IL17RD: variants seen among roughly 807,000 people sequenced by gnomAD.
IL17RD encodes the protein interleukin-17 receptor D.
IL17RD carries 52 observed loss-of-function variants against 80.5 expected under a neutral mutation model. The ratio of observed to expected loss-of-function variants is 0.65; its 90% CI spans 0.52 to 0.81. IL17RD has a LOEUF of 0.81. Among genes scored for constraint, IL17RD ranks in the 40% least tolerant of loss-of-function variants. The pLI is 0.00. For missense variants in IL17RD, 1,024 were observed against 955.1 expected (o/e 1.07, Z -0.95); for synonymous variants, 416 against 391.8 (o/e 1.06, Z -0.73).
At chr3:57,110,067 TG>T in intron 4 of IL17RD, 125 bp downstream of exon 4, 1 of 1,051,264 alleles carries the variant, frequency 9.5e-7, no homozygotes, top group East Asian at 2.6e-5. Flanking sequence ...GTACCATTCT[TG>T]CCCACCTTGG....
chr3:57,111,349 T>C (rs1015950495), intron 3 of IL17RD, among the ~76,000 whole-genome samples: 5 of 152,192 alleles, frequency 3.3e-5, no homozygotes, highest in African/African-American at 1.2e-4. Context: ...GGAGCAACAA[T>C]TACAGCTTCA....
intron 1 of IL17RD, among the ~76,000 whole-genome samples, chr3:57,133,720 T>TA (rs1707661464): frequency 1.3e-5 from 2 of 152,172 alleles, no homozygotes; most frequent in South Asian, 4.1e-4. Context: ...AGGTCAATTA[T>TA]AAAGCAAATC....
intron 10 of IL17RD, 134 bp from the exon 11 acceptor site, chr3:57,101,497 C>G (rs2107469088): frequency 1.8e-6 from 1 of 569,740 alleles, no homozygotes; most frequent in Non-Finnish European, 3.1e-6. Flanking sequence ...ACTCCATCAG[C>G]CCCCTCTGAT....
Position 57,096,379 on chromosome 3 carries a change from A to G in IL17RD, c.*14T>C, listed in dbSNP as rs765465147. 2.5e-6 allele frequency: 4 copies of G among 1,577,342 alleles called. No homozygotes were observed. The highest frequency in any genetic ancestry group is 1.7e-4 in the Middle Eastern group (1 of 6,018). On this transcript the variant is annotated 3_prime_UTR_variant, in exon 13 of 13. Transcript: ENST00000296318. ...CAGCAGCTAAAGTGGCAATGCTTAG[A>G]CTCTTTCGTTTTGTTACAAAGGGGC...
intron 2 of IL17RD, among the ~76,000 whole-genome samples, chr3:57,117,972 G>T (rs904404428): frequency 5.9e-5 from 9 of 152,014 alleles, no homozygotes; most frequent in Non-Finnish European, 2.9e-5. Context: ...CCAAATATTT[G>T]GTATTATTAA....
intron 1 of IL17RD, among the ~76,000 whole-genome samples, chr3:57,154,091 A>AT (rs578172012): frequency 9.4e-4 from 143 of 151,866 alleles, no homozygotes; most frequent in African/African-American, 3.4e-3. Context: ...ACAAAAAAAA[A>AT]GTAAAAAAAT....
At chr3:57,127,336 A>AT (rs1491422869) in intron 1 of IL17RD, among the ~76,000 whole-genome samples, 1 of 89,464 alleles carries the variant, frequency 1.1e-5, no homozygotes, top group Non-Finnish European at 1.9e-5. Context: ...AAATATATAT[A>AT]AAAATATATA....
At chr3:57,124,908 G>C (rs1707417955) in intron 1 of IL17RD, among the ~76,000 whole-genome samples, 1 of 152,140 alleles carries the variant, frequency 6.6e-6, no homozygotes, top group Non-Finnish European at 1.5e-5. Flanking sequence ...GCTTCAGGCA[G>C]GCATAGAACA....
At chr3:57,138,300 AAAAC>A (rs1371935269) in intron 1 of IL17RD, among the ~76,000 whole-genome samples, 128 of 152,350 alleles carry the variant, frequency 8.4e-4, no homozygotes, top group African/African-American at 3.0e-3. Context: ...AAGTAAAAAC[AAAAC>A]AAACAAACAA....
intron 1 of IL17RD, among the ~76,000 whole-genome samples, chr3:57,139,141 C>G (rs1380006880): frequency 6.6e-6 from 1 of 151,706 alleles, no homozygotes; most frequent in Non-Finnish European, 1.5e-5. Context: ...GACAGATAGG[C>G]TAATTCATAA....
intron 2 of IL17RD, among the ~76,000 whole-genome samples, chr3:57,119,150 A>G (rs1707279355): frequency 6.6e-6 from 1 of 152,146 alleles, no homozygotes; most frequent in South Asian, 2.1e-4. Flanking sequence ...CAGGAGATCA[A>G]GACCATCCTG....
intron 1 of IL17RD, among the ~76,000 whole-genome samples, chr3:57,127,412 A>ATATATATATTTT (rs1246159104): frequency 2.2e-5 from 2 of 91,190 alleles, no homozygotes; most frequent in African/African-American, 9.8e-5. Flanking sequence ...ATATATATAT[A>ATATATATATTTT]TTTTTTTTTT....
At chr3:57,152,001 G>T (rs550515485) in intron 1 of IL17RD, among the ~76,000 whole-genome samples, 4 of 152,282 alleles carry the variant, frequency 2.6e-5, no homozygotes, top group African/African-American at 9.6e-5. Flanking sequence ...CTGGGGAGCT[G>T]CGCAGACTCA....
In IL17RD at chr3:57,093,652, T is replaced by C. The variant is rs536682333; in HGVS notation, c.*2741A>G. ...CTTCTGACTCTTTCTGGAGATCAAT[T>C]GCCTCAAAGGCCCAAGACAGCCCTC... is the stretch of plus-strand genomic sequence containing the variant. On this transcript the variant is annotated 3_prime_UTR_variant, in exon 13 of 13. Transcript: ENST00000296318. 6.6e-6 allele frequency: 1 copy of C among 152,342 alleles called. No individual in the cohort carries two copies. Among genetic ancestry groups the C allele is most frequent in the South Asian group, 2.1e-4 (1 of 4,824 alleles). The allele number at this position is 152,342 out of a possible 1,614,324, so 9.4% of individuals were successfully genotyped here.
chr3:57,124,389 T>A (rs1306390420), intron 1 of IL17RD, among the ~76,000 whole-genome samples: 2 of 152,084 alleles, frequency 1.3e-5, no homozygotes, highest in East Asian at 3.9e-4. Context: ...GTATTCTGGG[T>A]TATCCAAGTG....
chr3:57,118,738 T>C (rs1465461992), intron 2 of IL17RD, among the ~76,000 whole-genome samples: 1 of 152,226 alleles, frequency 6.6e-6, no homozygotes, highest in Non-Finnish European at 1.5e-5. Flanking sequence ...CTGGCTTCTA[T>C]ATTAATAGAT....
At chr3:57,115,992 T>C (rs1707206652) in intron 2 of IL17RD, among the ~76,000 whole-genome samples, 4 of 152,114 alleles carry the variant, frequency 2.6e-5, no homozygotes. Flanking sequence ...CAAAAGACTA[T>C]AAGAAAAATA....
At chr3:57,097,048 A>G (rs78532487) in intron 12 of IL17RD, among the ~76,000 whole-genome samples, 33 of 151,886 alleles carry the variant, frequency 2.2e-4, no homozygotes, top group Non-Finnish European at 3.8e-4. Flanking sequence ...CATGACTCCA[A>G]CTAGTTACAG....
At chr3:57,097,343 T>G (rs1436161359) in intron 12 of IL17RD, 1 of 527,234 alleles carries the variant, frequency 1.9e-6, no homozygotes, top group African/African-American at 1.9e-5. Flanking sequence ...ATACAGTGCA[T>G]AGTCTGTATG....
Sources: allele counts gnomAD v4.1 joint callset (sites outside exome capture counted in the v4.1 genomes callset), GRCh38; gene constraint gnomAD v4.1.1; transcripts MANE v1.5; gene names NCBI Gene and HGNC (gene_info 2026-07-23, HGNC 2026-07-21).